The following NFATC2 variants were observed in gnomAD, a reference collection of about 807,000 sequenced individuals.
The protein encoded by NFATC2 is nuclear factor of activated T cells 2.
NFATC2 carries 22 observed loss-of-function variants against 87.3 expected under a neutral mutation model. The ratio of observed to expected loss-of-function variants is 0.25; its 90% CI spans 0.18 to 0.36. NFATC2 has a LOEUF of 0.36. Ranked by LOEUF, NFATC2 falls within the 10% of genes least tolerant of loss-of-function variation. NFATC2 has a pLI of 1.00. For synonymous variants in NFATC2, 565 were observed against 542.2 expected (o/e 1.04, Z -0.58); for missense variants, 1,149 against 1,259.1 (o/e 0.91, Z 1.32).
At chr20:51,481,034 G>A (rs1989210435) in intron 3 of NFATC2, among the ~76,000 whole-genome samples, 1 of 152,148 alleles carries the variant, frequency 6.6e-6, no homozygotes, top group Non-Finnish European at 1.5e-5. Context: ...GCCAGGTGAA[G>A]AAACCTCACC....
intron 1 of NFATC2, among the ~76,000 whole-genome samples, chr20:51,532,159 T>C (rs2076643862): frequency 6.6e-6 from 1 of 152,182 alleles, no homozygotes; most frequent in Non-Finnish European, 1.5e-5. Context: ...ATCTAGTGTA[T>C]GTTCATATTT....
At chr20:51,413,182 T>A (rs1979539871) in intron 9 of NFATC2, among the ~76,000 whole-genome samples, 1 of 151,842 alleles carries the variant, frequency 6.6e-6, no homozygotes, top group African/African-American at 2.4e-5. Context: ...ACCGGCCCAG[T>A]GGCCAGCACA....
chr20:51,561,422 G>GAA (rs2077023072), intron 1 of NFATC2, among the ~76,000 whole-genome samples: 3 of 122,752 alleles, frequency 2.4e-5, no homozygotes, highest in African/African-American at 9.9e-5. Flanking sequence ...GAAAGAAAGA[G>GAA]AGAGAAAGAA....
chr20:51,410,142 G>A (rs1420110145), intron 9 of NFATC2, among the ~76,000 whole-genome samples: 2 of 150,404 alleles, frequency 1.3e-5, no homozygotes, highest in Admixed American at 6.6e-5. Context: ...CTCGGGAGGC[G>A]GAGCTGGCAG....
rs749477538 is a variant in NFATC2, at chr20:51,432,213, G to C, written c.2576C>G (p.Ser859Cys). The change falls in exon 9 of 11, where the codon TCC becomes TGC. Residue 859 changes from serine (S) to cysteine (C), a missense_variant. By Grantham distance (112) the Ser-to-Cys change is moderately radical. This residue lies in a region of NFATC2 where 581 missense variants were observed against 649.7 expected (regional missense o/e 0.89). Coordinates refer to ENST00000371564, the MANE Select transcript of NFATC2 (RefSeq NM_012340.5). The surrounding 1 kb of genome is among the most constrained non-coding windows in gnomAD (Gnocchi z 4.6). ...CTGCTGCTGAATGACTGTGGGGTAG[G>C]AACCCGGGCTCAGCCTCTGACCTTG... is the stretch of plus-strand genomic sequence containing the variant. ...VSQGQRLSPG[S>C]YPTVIQQQNA... The C allele has an allele frequency of 6.2e-7, 1 of 1,613,672 alleles. No individual in the cohort carries two copies. Among genetic ancestry groups the C allele is most frequent in the Non-Finnish European group, 8.5e-7 (1 of 1,179,700 alleles).
At chr20:51,407,003 C>T (rs1272091776) in intron 9 of NFATC2, among the ~76,000 whole-genome samples, 3 of 152,202 alleles carry the variant, frequency 2.0e-5, no homozygotes, top group Non-Finnish European at 4.4e-5. Flanking sequence ...CTGCTTCTCT[C>T]CCTCACTCTC....
At position 51,403,406 on chromosome 20, in the gene NFATC2, C is replaced by T. The variant is rs6013178; in HGVS notation, c.2723-4676G>A. Among the ~76,000 whole-genome samples, 701 of 152,302 alleles carry T rather than the reference C, an allele frequency of 4.6e-3. 7 individuals are homozygous for T. The highest frequency in any genetic ancestry group is 0.016 in the African/African-American group (665 of 41,560). ...ACTGTATTCATGGGTGACACTGCAC[C>T]AGGTGTTCCTAAAAGACAGTAGTTC... is the stretch of plus-strand genomic sequence containing the variant. On this transcript the variant is annotated intron_variant, in intron 9 of 10. Coordinates refer to ENST00000371564, the MANE Select transcript of NFATC2 (RefSeq NM_012340.5).
At chr20:51,484,782 G>A (rs889875947) in intron 3 of NFATC2, among the ~76,000 whole-genome samples, 2 of 152,236 alleles carry the variant, frequency 1.3e-5, no homozygotes, top group Non-Finnish European at 2.9e-5. Context: ...CCGAACAGAG[G>A]TGACAGCATC....
intron 3 of NFATC2, among the ~76,000 whole-genome samples, chr20:51,507,802 G>T (rs4811183): frequency 0.23 from 34,351 of 152,132 alleles, 3,989 homozygotes; most frequent in Admixed American, 0.3. Flanking sequence ...CTGGCTGGGG[G>T]TGACCCCTGG....
chr20:51,468,560 G>A (rs1001481340), intron 5 of NFATC2, among the ~76,000 whole-genome samples: 1 of 152,242 alleles, frequency 6.6e-6, no homozygotes, highest in African/African-American at 2.4e-5. Flanking sequence ...CTTGGGCAGA[G>A]CTACCTGGAG....
chr20:51,550,039 T>C (rs959741571), intron 1 of NFATC2, among the ~76,000 whole-genome samples: 1 of 152,120 alleles, frequency 6.6e-6, no homozygotes, highest in African/African-American at 2.4e-5. Context: ...ACTGAACATA[T>C]TGTTGGGTTG....
intron 1 of NFATC2, among the ~76,000 whole-genome samples, chr20:51,525,324 C>A (rs566625795): frequency 7.2e-5 from 11 of 152,190 alleles, no homozygotes; most frequent in Non-Finnish European, 1.6e-4. Flanking sequence ...GCTGCCACCT[C>A]GAAAGGCCCT....
rs117274666 is a variant in NFATC2, at chr20:51,548,103, G to T, written c.70+14457C>A. ...CTACGTCCCACCTGACTCTCCTTGG[G>T]TATCATCTCCTGCCATTCTCCCCTT... On this transcript the variant is annotated intron_variant, in intron 1 of 10. Coordinates refer to the NFATC2 transcript ENST00000414705. 1.1e-3 allele frequency among the ~76,000 whole-genome samples: 166 copies of T among 152,138 alleles called. 2 individuals are homozygous for T. The East Asian group carries it at 0.027, about 25-fold the overall frequency.
At chr20:51,443,261 C>A (rs1185356907) in intron 6 of NFATC2, among the ~76,000 whole-genome samples, 3 of 152,234 alleles carry the variant, frequency 2.0e-5, no homozygotes, top group Admixed American at 6.5e-5. Context: ...GCTATCTCCA[C>A]CCAGCCTCAG....
chr20:51,533,246 G>A (rs530168391), intron 1 of NFATC2, among the ~76,000 whole-genome samples: 4 of 152,314 alleles, frequency 2.6e-5, no homozygotes, highest in African/African-American at 4.8e-5. Flanking sequence ...TTCTTCATCC[G>A]GCAGGTGTGC....
At position 51,391,186 on chromosome 20, in the gene NFATC2, G is replaced by A. The variant is rs1283428026; in HGVS notation, c.*310C>T. The A allele has an allele frequency of 2.9e-6, 2 of 696,146 alleles. No individual in the cohort carries two copies. The highest frequency in any genetic ancestry group is 3.5e-5 in the African/African-American group (2 of 56,624). 43.1% of individuals were successfully genotyped at this position (696,146 alleles called of 1,614,324 possible). A position where few individuals can be genotyped will look rare whatever the true frequency, so the allele number is the denominator to read the frequency against. On this transcript the variant is annotated 3_prime_UTR_variant, in exon 11 of 11. Transcript: ENST00000371564. ...TAAGATCAACCAGGATGCTCTCTGGGATTTAAAACATAAACCGAAAAGAAG... is the reference window on the plus strand; with the variant it reads ...TAAGATCAACCAGGATGCTCTCTGGAATTTAAAACATAAACCGAAAAGAAG...
chr20:51,471,992 C>T (rs1988250552), intron 5 of NFATC2, among the ~76,000 whole-genome samples: 1 of 152,196 alleles, frequency 6.6e-6, no homozygotes, highest in Admixed American at 6.5e-5. Flanking sequence ...GTGGCTCACA[C>T]CTGCGATCCC....
intron 9 of NFATC2, among the ~76,000 whole-genome samples, chr20:51,406,074 G>A (rs1023255595): frequency 1.3e-5 from 2 of 152,176 alleles, no homozygotes. Context: ...ACCACACCCA[G>A]CCTACATATA....
intron 6 of NFATC2, among the ~76,000 whole-genome samples, chr20:51,437,397 C>T (rs906991503): frequency 6.6e-6 from 1 of 152,140 alleles, no homozygotes; most frequent in African/African-American, 2.4e-5. Flanking sequence ...AGTAACTCTG[C>T]GAGGTGGGCT....
Sources: gnomAD v4.1 joint callset for allele counts (sites outside exome capture counted in the v4.1 genomes callset) on GRCh38, gnomAD v4.1.1 for gene constraint, gnomAD v4.1.1 regional missense constraint, Gnocchi (gnomAD v3.1) non-coding constraint, MANE v1.5 for transcripts, NCBI Gene and HGNC (gene_info 2026-07-23, HGNC 2026-07-21) for gene names.